AIG1: variants seen among roughly 807,000 people sequenced by gnomAD.
AIG1 encodes androgen-induced gene 1 protein.
Under a neutral mutation model 31.4 loss-of-function variants are expected in AIG1, and 23 were observed. The observed-to-expected ratio is 0.73, with a 90% CI of 0.53 to 1.04. The LOEUF is 1.04. Ranked by LOEUF, AIG1 falls within the 50% of genes least tolerant of loss-of-function variation. The pLI is 0.00. For missense variants in AIG1, 274 were observed against 295.0 expected (o/e 0.93, Z 0.52); for synonymous variants, 100 against 110.5 (o/e 0.90, Z 0.60).
chr6:143,176,434 G>C (rs1250649267), intron 3 of AIG1, among the ~76,000 whole-genome samples: 3 of 152,174 alleles, frequency 2.0e-5, no homozygotes, highest in Non-Finnish European at 4.4e-5. Context: ...TTTGTCTTGG[G>C]CTTCCAGGAC....
At position 143,210,514 on chromosome 6, in the gene AIG1, A is replaced by G. The variant is rs190618170; in HGVS notation, c.399+45331A>G. On this transcript the variant is annotated intron_variant, in intron 3 of 5. Coordinates refer to ENST00000357847, the MANE Select transcript of AIG1 (RefSeq NM_016108.4). ...CCTGAAGGAGTAGTAGATGTACAGAACACAGTAAAGTTTCAGAAAATTTGA... is the reference window on the plus strand; with the variant it reads ...CCTGAAGGAGTAGTAGATGTACAGAGCACAGTAAAGTTTCAGAAAATTTGA... 7.9e-5 allele frequency among the ~76,000 whole-genome samples: 12 copies of G among 152,354 alleles called. No individual in the cohort carries two copies. The East Asian group carries it at 2.3e-3, about 29-fold the overall frequency.
intron 4 of AIG1, among the ~76,000 whole-genome samples, chr6:143,324,151 G>A (rs903978729): frequency 3.3e-5 from 5 of 152,156 alleles, no homozygotes; most frequent in Admixed American, 3.3e-4. Flanking sequence ...AATTCCAGTA[G>A]GTTAAATGCA....
At chr6:143,123,379 G>T (rs1782401394) in intron 1 of AIG1, among the ~76,000 whole-genome samples, 1 of 152,172 alleles carries the variant, frequency 6.6e-6, no homozygotes, top group Non-Finnish European at 1.5e-5. Context: ...TGTTGCCTGA[G>T]AATAGATTGA....
At chr6:143,212,820 A>G (rs890994026) in intron 3 of AIG1, among the ~76,000 whole-genome samples, 3 of 152,166 alleles carry the variant, frequency 2.0e-5, no homozygotes, top group African/African-American at 4.8e-5. Flanking sequence ...TGGTGGGCTG[A>G]CAAACAGAAA....
chr6:143,173,292 A>C (rs1787817685), intron 3 of AIG1, among the ~76,000 whole-genome samples: 1 of 152,174 alleles, frequency 6.6e-6, no homozygotes, highest in Non-Finnish European at 1.5e-5. Flanking sequence ...TGAACTCCTG[A>C]CCTCAAGTGA....
intron 1 of AIG1, chr6:143,099,474 A>G (rs755109966): frequency 2.6e-5 from 4 of 152,240 alleles, no homozygotes; most frequent in Admixed American, 6.5e-5. Context: ...AATTATAAAG[A>G]TAATTTTACC....
chr6:143,323,762 C>G (rs371065294), intron 4 of AIG1, among the ~76,000 whole-genome samples: 1 of 152,098 alleles, frequency 6.6e-6, no homozygotes, highest in East Asian at 1.9e-4. Flanking sequence ...GCTGCTCACC[C>G]CACCTGACAC....
intron 3 of AIG1, among the ~76,000 whole-genome samples, chr6:143,233,486 G>A (rs529667408): frequency 6.7e-6 from 1 of 150,332 alleles, no homozygotes; most frequent in Non-Finnish European, 1.5e-5. Context: ...CTTTGATTGA[G>A]TAAAGAATGA....
Position 143,339,686 on chromosome 6 carries a change from C to A in AIG1, c.*10C>A. ...GCCTAAATTGGAATGAGATCCAAGTCTAAACGCAAGAGCTAGATTGAGCCG... is the reference window on the plus strand; with the variant it reads ...GCCTAAATTGGAATGAGATCCAAGTATAAACGCAAGAGCTAGATTGAGCCG... On this transcript the variant is annotated 3_prime_UTR_variant, in exon 6 of 6. Coordinates refer to ENST00000357847, the MANE Select transcript of AIG1 (RefSeq NM_016108.4). 1 of 1,613,154 alleles carries A rather than the reference C, an allele frequency of 6.2e-7. No homozygotes were observed. The highest frequency in any genetic ancestry group is 1.1e-5 in the South Asian group (1 of 90,958).
In AIG1 at chr6:143,330,106, A is replaced by T. The variant is rs1776952950; in HGVS notation, c.516-3176A>T. ...GTTGCTGTTTATATTCCTTCATTAG[A>T]TTATTAATTCAACAAATAGTTATTG... On this transcript the variant is annotated intron_variant, in intron 4 of 5. Transcript: ENST00000357847. This position sits in a 1 kb window ranked among gnomAD's most constrained non-coding sequence, Gnocchi z 4.4. Among the ~76,000 whole-genome samples the T allele has an allele frequency of 6.6e-6, 1 of 152,190 alleles. No homozygotes were observed. Among genetic ancestry groups the T allele is most frequent in the Non-Finnish European group, 1.5e-5 (1 of 68,040 alleles).
In AIG1 at chr6:143,325,265, C is replaced by A. The variant is rs555424757; in HGVS notation, c.516-8017C>A. On this transcript the variant is annotated intron_variant, in intron 4 of 5. Transcript: ENST00000357847. This position sits in a 1 kb window ranked among gnomAD's most constrained non-coding sequence, Gnocchi z 4.3. ...TAGGCTCATCATCCTTGACCTTATC[C>A]CTTAAATCTTAACCTTTTCCAAGGC... Among the ~76,000 whole-genome samples, 1 of 152,270 alleles carries A rather than the reference C, an allele frequency of 6.6e-6. No individual in the cohort carries two copies. Among genetic ancestry groups the A allele is most frequent in the South Asian group, 2.1e-4 (1 of 4,822 alleles).
At chr6:143,155,923 G>T (rs376763528) in intron 2 of AIG1, among the ~76,000 whole-genome samples, 1 of 152,182 alleles carries the variant, frequency 6.6e-6, no homozygotes, top group African/African-American at 2.4e-5. Flanking sequence ...CAGAGGCCAA[G>T]ATAAAGCATA....
chr6:143,079,779 C>CT (rs78637706), intron 1 of AIG1, among the ~76,000 whole-genome samples: 2,156 of 106,924 alleles, frequency 0.02, 19 homozygotes, highest in Non-Finnish European at 0.029. Context: ...GGATAGATTC[C>CT]TTTTTTTTTT....
chr6:143,160,339 C>T (rs1309545311), intron 2 of AIG1, among the ~76,000 whole-genome samples: 2 of 152,234 alleles, frequency 1.3e-5, no homozygotes, highest in Admixed American at 1.3e-4. Context: ...CAGCTTCTGT[C>T]AGACTCCATG....
intron 1 of AIG1, among the ~76,000 whole-genome samples, chr6:143,102,970 T>C (rs1780437682): frequency 6.6e-6 from 1 of 152,230 alleles, no homozygotes; most frequent in African/African-American, 2.4e-5. Context: ...AGTGTACATA[T>C]ATATCTTAGG....
chr6:143,104,866 T>C (rs1252578296), intron 1 of AIG1, among the ~76,000 whole-genome samples: 1 of 150,896 alleles, frequency 6.6e-6, no homozygotes, highest in Non-Finnish European at 1.5e-5. Flanking sequence ...GCCACTGCAC[T>C]CCAGCCTGGG....
intron 4 of AIG1, among the ~76,000 whole-genome samples, chr6:143,313,611 A>G (rs1475961510): frequency 6.6e-6 from 1 of 152,096 alleles, no homozygotes; most frequent in Non-Finnish European, 1.5e-5. Flanking sequence ...GTACAACAAT[A>G]AAAAGAATGA....
intron 1 of AIG1, among the ~76,000 whole-genome samples, chr6:143,122,661 G>A (rs1365610416): frequency 6.6e-6 from 1 of 152,034 alleles, no homozygotes; most frequent in African/African-American, 2.4e-5. Flanking sequence ...AACATAATGG[G>A]TACATGAGAT....
Position 143,164,397 on chromosome 6 carries a change from T to A in AIG1, c.298-685T>A, listed in dbSNP as rs11969511. ...AAATAATACATTGAGTACTCTACTCTCTTTTGATGATTATGTTGCTCTTGG... is the reference window on the plus strand; with the variant it reads ...AAATAATACATTGAGTACTCTACTCACTTTTGATGATTATGTTGCTCTTGG... On this transcript the variant is annotated intron_variant, in intron 2 of 5. Coordinates refer to ENST00000357847, the MANE Select transcript of AIG1 (RefSeq NM_016108.4). 4.1e-3 allele frequency among the ~76,000 whole-genome samples: 628 copies of A among 152,350 alleles called. 3 individuals are homozygous for A. Among genetic ancestry groups the A allele is most frequent in the African/African-American group, 0.014 (587 of 41,582 alleles).
Sources: allele counts gnomAD v4.1 joint callset (sites outside exome capture counted in the v4.1 genomes callset), GRCh38; gene constraint gnomAD v4.1.1; non-coding constraint Gnocchi (gnomAD v3.1); transcripts MANE v1.5; gene names NCBI Gene and HGNC (gene_info 2026-07-23, HGNC 2026-07-21).